The following CGAS variants were observed in gnomAD, a reference collection of about 807,000 sequenced individuals.
CGAS encodes the protein 2'3'-cGAMP synthase.
CGAS carries 31 observed loss-of-function variants against 34.0 expected under a neutral mutation model. The ratio of observed to expected loss-of-function variants is 0.91; its 90% CI spans 0.69 to 1.23. CGAS has a LOEUF of 1.23. Ranked by LOEUF, CGAS falls within the 50% of genes most tolerant of loss-of-function variation. The pLI is 0.00. For synonymous variants in CGAS, 266 were observed against 260.0 expected, an observed-to-expected ratio of 1.02 and a Z score of -0.22; for missense variants, 597 against 657.6, an observed-to-expected ratio of 0.91 and a Z score of 1.01.
At position 73,433,881 on chromosome 6, in the gene CGAS, A is replaced by C. The variant is rs180924141; in HGVS notation, c.1115-5070T>G. 7.9e-5 allele frequency among the ~76,000 whole-genome samples: 12 copies of C among 152,310 alleles called. No individual in the cohort carries two copies. The East Asian group carries it at 2.3e-3, about 29-fold the overall frequency. ...CTTCTGAAGTGCTGGAATTACAGGC[A>C]TAAGTCATCATTCCTGGCCCCAAAT... On this transcript the variant is annotated intron_variant, in intron 3 of 4. Coordinates refer to ENST00000370315, the MANE Select transcript of CGAS (RefSeq NM_138441.3).
intron 4 of CGAS, among the ~76,000 whole-genome samples, chr6:73,427,592 T>C (rs1054332689): frequency 5.9e-5 from 9 of 152,182 alleles, no homozygotes; most frequent in African/African-American, 2.2e-4. Flanking sequence ...TGAGCCACCA[T>C]GCCTGGCCAA....
chr6:73,433,102 A>G (rs1417369114), intron 3 of CGAS, among the ~76,000 whole-genome samples: 1 of 152,082 alleles, frequency 6.6e-6, no homozygotes, highest in African/African-American at 2.4e-5. Flanking sequence ...TAAATAAATA[A>G]ATAGTTTTAA....
chr6:73,440,296 A>C lies in CGAS; in HGVS notation c.1027T>G (p.Trp343Gly). The change falls in exon 3 of 5, where the codon TGG becomes GGG. Residue 343 changes from tryptophan (W) to glycine (G), a missense_variant. Physicochemically the swap from Trp to Gly is radical, Grantham distance 184. This residue lies in a region of CGAS where 271 missense variants were observed against 324.1 expected (regional missense o/e 0.84). Transcript: ENST00000370315. ...TGCTTCCTAACTTTTGCTGAAAGCC[A>C]GTTTTGAATGCGCAGGCCTTCTTGG... ...STQEGLRIQN[W>G]LSAKVRKQLR... 4 of 1,614,200 alleles carry C rather than the reference A, an allele frequency of 2.5e-6. No individual in the cohort carries two copies. Among genetic ancestry groups the C allele is most frequent in the Non-Finnish European group, 3.4e-6 (4 of 1,180,034 alleles).
intron 1 of CGAS, among the ~76,000 whole-genome samples, chr6:73,449,762 G>C (rs973071875): frequency 6.6e-6 from 1 of 151,944 alleles, no homozygotes; most frequent in Non-Finnish European, 1.5e-5. Flanking sequence ...TAGGGAGGCC[G>C]AGGCAGGTGG....
intron 3 of CGAS, among the ~76,000 whole-genome samples, chr6:73,430,057 T>A (rs1770168682): frequency 6.6e-6 from 1 of 152,094 alleles, no homozygotes. Context: ...TCGTTCATCA[T>A]TAAAAAAACA....
Position 73,425,068 on chromosome 6 carries a change from G to A in CGAS, c.*159C>T. 2.0e-6 allele frequency: 1 copy of A among 505,750 alleles called. No individual in the cohort carries two copies. The highest frequency in any genetic ancestry group is 3.4e-6 in the Non-Finnish European group (1 of 291,214). 31.3% of individuals were successfully genotyped at this position (505,750 alleles called of 1,614,324 possible). A position where few individuals can be genotyped will look rare whatever the true frequency, so the allele number is the denominator to read the frequency against. On this transcript the variant is annotated 3_prime_UTR_variant, in exon 5 of 5. Transcript: ENST00000370315. Reference sequence around the variant, plus strand: ...GGAGTTTCACCATGTTGGTCAGGCTGGTCTCAAACTCCTGACCTCAAGTGA... The same window carrying A: ...GGAGTTTCACCATGTTGGTCAGGCTAGTCTCAAACTCCTGACCTCAAGTGA...
Position 73,428,812 on chromosome 6 carries a change from CT to C in CGAS, c.1115-2del. The C allele has an allele frequency of 6.2e-7, 1 of 1,607,040 alleles. No homozygotes were observed. Among genetic ancestry groups the C allele is most frequent in the Non-Finnish European group, 8.5e-7 (1 of 1,178,088 alleles). On this transcript the variant is annotated splice_acceptor_variant, in intron 3 of 4. Transcript: ENST00000370315. LOFTEE classifies it high-confidence loss of function. Reference sequence around the variant, plus strand: ...GAGAAGGATAGCCGCCATGTTTCTTCTTAATTTCAAAAAGAAAAACAAAAAA... The same window carrying C: ...GAGAAGGATAGCCGCCATGTTTCTTCTAATTTCAAAAAGAAAAACAAAAAA...
intron 1 of CGAS, among the ~76,000 whole-genome samples, chr6:73,449,329 G>T (rs1770522409): frequency 6.6e-6 from 1 of 151,950 alleles, no homozygotes; most frequent in Non-Finnish European, 1.5e-5. Flanking sequence ...ACAAAAATTA[G>T]CTGGGCATGG....
At chr6:73,428,284 AAC>A (rs1329832848) in intron 4 of CGAS, among the ~76,000 whole-genome samples, 1 of 151,962 alleles carries the variant, frequency 6.6e-6, no homozygotes, top group East Asian at 1.9e-4. Flanking sequence ...CCTAGCCGTC[AAC>A]ACAACCCAAC....
At chr6:73,444,878 G>A (rs1051475605) in intron 2 of CGAS, among the ~76,000 whole-genome samples, 2 of 152,096 alleles carry the variant, frequency 1.3e-5, no homozygotes, top group African/African-American at 4.8e-5. Flanking sequence ...GTAACAGAGA[G>A]GATTAAATTA....
chr6:73,427,801 C>T lies in CGAS; in HGVS notation c.1217+908G>A, dbSNP rs560620619. ...CTGCCTGGGCAACAAAGGGAGACCACCATCTCTACCAATAAAAAAAATTTT... is the reference window on the plus strand; with the variant it reads ...CTGCCTGGGCAACAAAGGGAGACCATCATCTCTACCAATAAAAAAAATTTT... On this transcript the variant is annotated intron_variant, in intron 4 of 4. Transcript: ENST00000370315. 3.4e-3 allele frequency among the ~76,000 whole-genome samples: 524 copies of T among 152,160 alleles called. 1 individual carries two copies. Among genetic ancestry groups the T allele is most frequent in the Non-Finnish European group, 5.7e-3 (387 of 68,014 alleles).
At chr6:73,429,718 TG>T (rs1770158198) in intron 3 of CGAS, among the ~76,000 whole-genome samples, 1 of 151,468 alleles carries the variant, frequency 6.6e-6, no homozygotes, top group East Asian at 1.9e-4. Flanking sequence ...CCCAGCTACT[TG>T]GGAGGCTGAG....
chr6:73,446,066 T>C (rs972476798), intron 1 of CGAS, among the ~76,000 whole-genome samples: 9 of 152,128 alleles, frequency 5.9e-5, no homozygotes, highest in Admixed American at 1.3e-4. Flanking sequence ...CAGTGGCTCA[T>C]GCCTGTAATC....
At chr6:73,444,338 C>T (rs1311361490) in intron 2 of CGAS, among the ~76,000 whole-genome samples, 5 of 147,550 alleles carry the variant, frequency 3.4e-5, no homozygotes, top group South Asian at 2.2e-4. Context: ...GATGGAGTTT[C>T]GCTCTTGTCA....
intron 3 of CGAS, among the ~76,000 whole-genome samples, chr6:73,437,712 C>T (rs1442863723): frequency 3.3e-5 from 5 of 152,042 alleles, no homozygotes; most frequent in African/African-American, 1.2e-4. Context: ...AAATTATATC[C>T]TTGGTAATAA....
chr6:73,426,372 AAATAC>A (rs1472791783), intron 4 of CGAS, among the ~76,000 whole-genome samples: 1 of 151,760 alleles, frequency 6.6e-6, no homozygotes, highest in African/African-American at 2.4e-5. Context: ...AAAATAAAAT[AAATAC>A]AACAGTCACA....
In CGAS at chr6:73,425,463, C is replaced by A. The variant is rs570427952; in HGVS notation, c.1333G>T (p.Val445Leu). 1.2e-6 allele frequency: 2 copies of A among 1,613,912 alleles called. No individual in the cohort carries two copies. The highest frequency in any genetic ancestry group is 2.2e-5 in the East Asian group (1 of 44,898). The change falls in exon 5 of 5, where the codon GTA becomes TTA. Residue 445 changes from valine to leucine, a missense_variant. Physicochemically the swap from Val to Leu is conservative, Grantham distance 32. Coordinates refer to ENST00000370315, the MANE Select transcript of CGAS (RefSeq NM_138441.3). The part of the protein sequence containing the change: ...SYHVKTAFFH[V>L]CTQNPQDSQW... Reference sequence around the variant, plus strand: ...CTGTCTTGAGGGTTCTGGGTACATACGTGAAAGAAGGCAGTTTTCACATGA... The same window carrying A: ...CTGTCTTGAGGGTTCTGGGTACATAAGTGAAAGAAGGCAGTTTTCACATGA...
At chr6:73,449,921 G>C (rs1420609872) in intron 1 of CGAS, among the ~76,000 whole-genome samples, 1 of 151,952 alleles carries the variant, frequency 6.6e-6, no homozygotes, top group Non-Finnish European at 1.5e-5. Flanking sequence ...CTTGAACCTG[G>C]AAGCCGGAGG....
chr6:73,439,866 G>A (rs1770345740), intron 3 of CGAS: 1 of 243,582 alleles, frequency 4.1e-6, no homozygotes, highest in Admixed American at 5.1e-5. Context: ...GGTTTAGAAA[G>A]CATCATAACT....
Sources: allele counts gnomAD v4.1 joint callset (sites outside exome capture counted in the v4.1 genomes callset), GRCh38; gene constraint gnomAD v4.1.1; regional missense constraint gnomAD v4.1.1; transcripts MANE v1.5; gene names NCBI Gene and HGNC (gene_info 2026-07-23, HGNC 2026-07-21).